The following RRM2 variants were observed in gnomAD, a reference collection of about 807,000 sequenced individuals.
RRM2 encodes ribonucleoside-diphosphate reductase subunit M2.
Under a neutral mutation model 45.9 loss-of-function variants are expected in RRM2, and 6 were observed. The observed-to-expected ratio is 0.13, with a 90% CI of 0.07 to 0.26. The LOEUF (loss-of-function observed/expected upper bound fraction) is 0.26, where lower values mean the gene tolerates loss of function less well. RRM2 is among the 10% of genes least tolerant of loss of function. The probability of loss-of-function intolerance (pLI) is 1.00; values close to 1 mark genes in which losing one functional copy is unlikely to be tolerated. For synonymous variants in RRM2, 177 were observed against 173.0 expected, an observed-to-expected ratio of 1.02 and a Z score of -0.18; for missense variants, 343 against 489.5, an observed-to-expected ratio of 0.70 and a Z score of 2.82.
upstream of RRM2, among the ~76,000 whole-genome samples, chr2:10,138,357 G>A (rs550330514): frequency 1.8e-3 from 281 of 152,182 alleles, no homozygotes; most frequent in Admixed American, 5.2e-3. Context: ...AGTAGAGACG[G>A]GGTTTCTGCA....
exon 3 of RRM2, chr2:10,142,335 G>A (rs374456721): frequency 3.0e-5 from 41 of 1,381,286 alleles, no homozygotes; most frequent in Admixed American, 5.7e-5. Context: ...GGTGTTACTC[G>A]GGGTGCGCCA....
At chr2:10,177,671 CTT>C (rs1309242061) in intron 3 of RRM2, among the ~76,000 whole-genome samples, 11 of 63,120 alleles carry the variant, frequency 1.7e-4, no homozygotes, top group Admixed American at 1.7e-3. Flanking sequence ...CTTTTCCTTC[CTT>C]CCTTCCTTCC....
chr2:10,199,581 A>G (rs1197440386), intron 3 of RRM2, among the ~76,000 whole-genome samples: 1 of 151,830 alleles, frequency 6.6e-6, no homozygotes, highest in Non-Finnish European at 1.5e-5. Flanking sequence ...GGAGATCAAG[A>G]CCATCCTGGC....
At position 10,185,084 on chromosome 2, in the gene RRM2, G is replaced by A. The variant is rs1396829733; in HGVS notation, n.483-25227G>A. ...TGAATATTTATAGCAAATCCTGTAG[G>A]ATGCGGTAGATTTGGAAGATTTCTG... is the stretch of plus-strand genomic sequence containing the variant. On this transcript the variant is annotated intron_variant and non_coding_transcript_variant, in intron 3 of 3. Coordinates refer to the RRM2 transcript ENST00000381786. The surrounding 1 kb of genome is among the most constrained non-coding windows in gnomAD (Gnocchi z 4.3). 6.6e-6 allele frequency among the ~76,000 whole-genome samples: 1 copy of A among 152,194 alleles called. No individual in the cohort carries two copies.
chr2:10,161,777 A>G (rs1469544463), intron 3 of RRM2, among the ~76,000 whole-genome samples: 1 of 152,186 alleles, frequency 6.6e-6, no homozygotes, highest in Non-Finnish European at 1.5e-5. Context: ...AACAACGGGC[A>G]TTCCTGTCAT....
At chr2:10,138,492 T>C (rs34455011), upstream of RRM2, among the ~76,000 whole-genome samples, 113,592 of 151,754 alleles carry the variant, frequency 0.75, 43,812 homozygotes, top group African/African-American at 0.91. Context: ...TAGTAGAGAC[T>C]GGGTTTCACC....
chr2:10,210,414 T>TC lies in RRM2; in HGVS notation n.589dup, dbSNP rs1418754012. On this transcript the variant is annotated non_coding_transcript_exon_variant, in exon 4 of 4. Coordinates refer to the RRM2 transcript ENST00000381786. ...GGTGCTCACAGCAAGACACCCAGAG[T>TC]CCCTTCCAGACAGGGACACCCCTGG... 2.2e-6 allele frequency: 3 copies of TC among 1,367,524 alleles called. No homozygotes were observed. In the South Asian group the frequency reaches 3.4e-5, roughly 16 times the overall value. 84.7% of individuals were successfully genotyped at this position (1,367,524 alleles called of 1,614,324 possible).
chr2:10,150,432 C>T (rs1164195558), intron 3 of RRM2, among the ~76,000 whole-genome samples: 5 of 140,598 alleles, frequency 3.6e-5, no homozygotes, highest in African/African-American at 1.4e-4. Flanking sequence ...GGCGACAGAG[C>T]GAGACTCTGC....
intron 1 of RRM2, chr2:10,141,795 G>A: frequency 6.5e-7 from 1 of 1,547,628 alleles, no homozygotes; most frequent in Non-Finnish European, 8.7e-7. Flanking sequence ...TGGGGCTGGG[G>A]CTGGGAGGCG....
In RRM2 at chr2:10,195,952, A is replaced by G. The variant is rs1049141416; in HGVS notation, n.483-14359A>G. Among the ~76,000 whole-genome samples, 3 of 152,300 alleles carry G rather than the reference A, an allele frequency of 2.0e-5. No individual in the cohort carries two copies. The highest frequency in any genetic ancestry group is 3.4e-3 in the Middle Eastern group (1 of 294). On this transcript the variant is annotated intron_variant and non_coding_transcript_variant, in intron 3 of 3. Coordinates refer to the RRM2 transcript ENST00000381786. This position sits in a 1 kb window ranked among gnomAD's most constrained non-coding sequence, Gnocchi z 4.9. ...AGTGTTGAACACAGTCATGCTAGAA[A>G]TGGTGCCTGGTGCAGCTGCAGCCGT...
At chr2:10,159,467 C>T (rs1451657211) in intron 3 of RRM2, among the ~76,000 whole-genome samples, 1 of 152,208 alleles carries the variant, frequency 6.6e-6, no homozygotes, top group African/African-American at 2.4e-5. Context: ...CGGGTCTCTC[C>T]TCCGACTCAG....
chr2:10,210,637 C>T (rs748572587), exon 4 of RRM2: 2 of 1,347,746 alleles, frequency 1.5e-6, no homozygotes, highest in East Asian at 9.2e-5. Context: ...CACTGCCTCT[C>T]ATGCCGGAGT....
intron 3 of RRM2, among the ~76,000 whole-genome samples, chr2:10,203,398 G>A (rs1664600945): frequency 6.6e-6 from 1 of 152,158 alleles, no homozygotes; most frequent in South Asian, 2.1e-4. Flanking sequence ...CCATTAAGTG[G>A]GAGGTAACAA....
chr2:10,170,070 G>A lies in RRM2; in HGVS notation n.482+27695G>A, dbSNP rs376239400. On this transcript the variant is annotated intron_variant and non_coding_transcript_variant, in intron 3 of 3. Coordinates refer to the RRM2 transcript ENST00000381786. ...GGAGGCCCCCGGGACTGGGGCTCAG[G>A]CTTTCCAGAGAGAAGGAGGTGCCTT... 2.0e-5 allele frequency among the ~76,000 whole-genome samples: 3 copies of A among 152,270 alleles called. No individual in the cohort carries two copies. The East Asian group carries it at 5.8e-4, about 29-fold the overall frequency.
At chr2:10,164,080 G>A (rs936097175) in intron 3 of RRM2, among the ~76,000 whole-genome samples, 2 of 151,914 alleles carry the variant, frequency 1.3e-5, no homozygotes, top group African/African-American at 2.4e-5. Flanking sequence ...GTGTGTGAGT[G>A]TGCATATGAG....
exon 4 of RRM2, chr2:10,210,507 C>A: frequency 7.3e-7 from 1 of 1,367,696 alleles, no homozygotes; most frequent in Non-Finnish European, 9.8e-7. Flanking sequence ...GGGCGCTGGG[C>A]TCCAAGCTTC....
chr2:10,209,057 C>CT (rs1553330335), intron 3 of RRM2, among the ~76,000 whole-genome samples: 4,344 of 102,422 alleles, frequency 0.042, 257 homozygotes, highest in African/African-American at 0.14. Flanking sequence ...TTCTTTCTTT[C>CT]TTTTTTTTTT....
intron 3 of RRM2, among the ~76,000 whole-genome samples, chr2:10,176,399 G>A (rs1000645986): frequency 1.7e-4 from 26 of 152,104 alleles, no homozygotes; most frequent in African/African-American, 5.8e-4. Context: ...CTCCCAAGTC[G>A]CTGGGATTAC....
intron 4 of RRM2, chr2:10,124,108 CTTTT>C (rs35723300): frequency 5.1e-3 from 1,284 of 250,508 alleles, no homozygotes; most frequent in South Asian, 7.0e-3. Context: ...TCTGCCCCCT[CTTTT>C]TTTTTTTTTT....
Sources: gnomAD v4.1 joint callset for allele counts (sites outside exome capture counted in the v4.1 genomes callset) on GRCh38, gnomAD v4.1.1 for gene constraint, Gnocchi (gnomAD v3.1) non-coding constraint, MANE v1.5 for transcripts, NCBI Gene and HGNC (gene_info 2026-07-23, HGNC 2026-07-21) for gene names.